The following FAM149B1 variants were observed in gnomAD, a reference collection of about 807,000 sequenced individuals.
FAM149B1 encodes the protein family with sequence similarity 149 member B1, also known as primary cilium assembly protein FAM149B1.
FAM149B1 carries 56 observed loss-of-function variants against 75.3 expected under a neutral mutation model. The observed-to-expected ratio is 0.74, with a 90% CI of 0.60 to 0.93. The LOEUF is 0.93. Ranked by LOEUF, FAM149B1 falls within the 40% of genes least tolerant of loss-of-function variation. The pLI is 0.00. For missense variants in FAM149B1, 639 were observed against 708.4 expected, an observed-to-expected ratio of 0.90 and a Z score of 1.11; for synonymous variants, 259 against 256.1, an observed-to-expected ratio of 1.01 and a Z score of -0.11.
At chr10:73,214,270 T>C (rs987848806) in intron 7 of FAM149B1, among the ~76,000 whole-genome samples, 1 of 152,236 alleles carries the variant, frequency 6.6e-6, no homozygotes, top group Non-Finnish European at 1.5e-5. Flanking sequence ...ACAGGGCAAT[T>C]TGCCTTCCTC....
Position 73,239,302 on chromosome 10 carries a change from T to C in FAM149B1, c.1603-10T>C. 6.4e-7 allele frequency: 1 copy of C among 1,550,754 alleles called. No individual in the cohort carries two copies. ...GCATCATAAGAAGTGTCTCCTCTTT[T>C]GTCTTGTAGCTGGATACACAGTATC... On this transcript the variant is annotated splice_polypyrimidine_tract_variant and intron_variant, in intron 12 of 13. Transcript: ENST00000242505.
At chr10:73,235,113 G>C in intron 11 of FAM149B1, 80 bp from the exon 12 acceptor site, 3 of 1,478,956 alleles carry the variant, frequency 2.0e-6, no homozygotes, top group East Asian at 2.5e-5. Context: ...TACCATATCT[G>C]CCATGGTCGA....
intron 12 of FAM149B1, among the ~76,000 whole-genome samples, chr10:73,237,468 G>A (rs1173402299): frequency 6.6e-6 from 1 of 151,758 alleles, no homozygotes; most frequent in Non-Finnish European, 1.5e-5. Context: ...CCAGGCTAGA[G>A]TGCTGTGGTG....
chr10:73,240,344 G>A (rs1020278627), intron 13 of FAM149B1, among the ~76,000 whole-genome samples: 1 of 152,172 alleles, frequency 6.6e-6, no homozygotes, highest in African/African-American at 2.4e-5. Flanking sequence ...AGCATTGTCT[G>A]GTAGTCTTTG....
In FAM149B1 at chr10:73,197,102, C is replaced by T. The variant is rs541627336; in HGVS notation, c.542+3509C>T. 1.1e-3 allele frequency among the ~76,000 whole-genome samples: 167 copies of T among 152,252 alleles called. 2 individuals carry two copies. The highest frequency in any genetic ancestry group is 3.7e-3 in the African/African-American group (155 of 41,550). On this transcript the variant is annotated intron_variant, in intron 5 of 13. Transcript: ENST00000242505. ...GACTGCAGCCTTGACCTCCTGGGCT[C>T]AAGCAATCCTCCCGCCTCAGCCTCC...
chr10:73,200,601 A>G, intron 5 of FAM149B1: 1 of 698,622 alleles, frequency 1.4e-6, no homozygotes, highest in East Asian at 4.2e-5. Context: ...GATCAAATCT[A>G]TGAGATTTTC....
intron 7 of FAM149B1, among the ~76,000 whole-genome samples, chr10:73,227,531 G>A (rs143142040): frequency 5.4e-4 from 82 of 152,244 alleles, no homozygotes; most frequent in African/African-American, 1.9e-3. Flanking sequence ...AAGATGCCTT[G>A]TTTCTTCGTG....
chr10:73,183,785 G>A (rs1166912161), intron 3 of FAM149B1, among the ~76,000 whole-genome samples: 1 of 152,188 alleles, frequency 6.6e-6, no homozygotes. Flanking sequence ...TTTGGGTTAA[G>A]AACAGTGAGA....
At chr10:73,203,939 C>T (rs555277773) in intron 5 of FAM149B1, among the ~76,000 whole-genome samples, 2 of 152,044 alleles carry the variant, frequency 1.3e-5, no homozygotes, top group South Asian at 4.2e-4. Context: ...CCGTGCCCCA[C>T]CAATCATAAT....
In FAM149B1 at chr10:73,241,027, G is replaced by T; in HGVS notation, c.*8G>T. 6.7e-7 allele frequency: 1 copy of T among 1,494,132 alleles called. No homozygotes were observed. The highest frequency in any genetic ancestry group is 1.2e-5 in the South Asian group (1 of 82,578). The allele number at this position is 1,494,132 out of a possible 1,614,324, so 92.6% of individuals were successfully genotyped here. A position where few individuals can be genotyped will look rare whatever the true frequency, so the allele number is the denominator to read the frequency against. On this transcript the variant is annotated 3_prime_UTR_variant, in exon 14 of 14. Coordinates refer to ENST00000242505, the MANE Select transcript of FAM149B1 (RefSeq NM_173348.2). ...ACCAGGCAGGGACCATAAGGCAAAT[G>T]AGAAGAATCTATCAGGCTGCAGGAA...
intron 12 of FAM149B1, 200 bp downstream of exon 12, chr10:73,235,518 C>A: frequency 2.4e-6 from 3 of 1,232,358 alleles, no homozygotes; most frequent in East Asian, 2.9e-5. Flanking sequence ...ATGCCTTATA[C>A]AGAAATCACA....
chr10:73,225,904 G>A (rs1246926503), intron 7 of FAM149B1, among the ~76,000 whole-genome samples: 1 of 152,096 alleles, frequency 6.6e-6, no homozygotes, highest in African/African-American at 2.4e-5. Flanking sequence ...GTAACATGCT[G>A]TACAGGCCTG....
intron 8 of FAM149B1, among the ~76,000 whole-genome samples, chr10:73,229,681 C>G (rs1487900631): frequency 1.3e-5 from 2 of 152,238 alleles, no homozygotes; most frequent in Admixed American, 1.3e-4. Flanking sequence ...GCATGTTGAA[C>G]TGGTGTGGCC....
rs191449232 is a variant in FAM149B1 at position 73,203,453 on chromosome 10, T to G, written c.543-5166T>G. On this transcript the variant is annotated intron_variant, in intron 5 of 13. Coordinates refer to ENST00000242505, the MANE Select transcript of FAM149B1 (RefSeq NM_173348.2). The stretch of plus-strand genomic sequence containing the variant: ...TATGTATATGGTTTTTATGAAATTA[T>G]ACATTTTGTAATCTCTTTATACTTA... Among the ~76,000 whole-genome samples the G allele has an allele frequency of 5.7e-3, 870 of 152,328 alleles. 8 individuals are homozygous for G. The highest frequency in any genetic ancestry group is 9.9e-3 in the Non-Finnish European group (674 of 68,034).
At chr10:73,170,478 T>C (rs1283283760) in intron 1 of FAM149B1, among the ~76,000 whole-genome samples, 1 of 152,114 alleles carries the variant, frequency 6.6e-6, no homozygotes, top group Admixed American at 6.5e-5. Flanking sequence ...TACTCCAGCC[T>C]GGGTGACAGA....
At chr10:73,206,797 C>T (rs1298990262) in intron 5 of FAM149B1, among the ~76,000 whole-genome samples, 3 of 152,178 alleles carry the variant, frequency 2.0e-5, no homozygotes, top group Non-Finnish European at 2.9e-5. Context: ...CGCCTATAAT[C>T]CCAGCTACTT....
intron 3 of FAM149B1, among the ~76,000 whole-genome samples, chr10:73,179,278 A>G (rs2042337865): frequency 6.6e-6 from 1 of 151,968 alleles, no homozygotes; most frequent in East Asian, 1.9e-4. Flanking sequence ...TTTTATTTCT[A>G]TATCTTTTTT....
chr10:73,202,958 A>G (rs1046921668), intron 5 of FAM149B1, among the ~76,000 whole-genome samples: 1 of 152,040 alleles, frequency 6.6e-6, no homozygotes, highest in Non-Finnish European at 1.5e-5. Flanking sequence ...ATGGTTAAGG[A>G]TCTTATCTGT....
Position 73,210,379 on chromosome 10 carries a change from G to A in FAM149B1, c.839G>A (p.Cys280Tyr). The A allele has an allele frequency of 6.4e-7, 1 of 1,551,572 alleles. No individual in the cohort carries two copies. The highest frequency in any genetic ancestry group is 8.7e-7 in the Non-Finnish European group (1 of 1,146,850). The part of the protein sequence containing the change: ...VLAYVFDSVW[C>Y]KVVSCMEQLT... ...GCTTATGTGTTTGACAGTGTATGGT[G>A]CAAGGTTGTGAGCTGTATGGAGCAG... Residue 280 changes from cysteine (C) to tyrosine (Y), a missense_variant, in exon 7 of 14, where the codon TGC (cysteine) becomes TAC (tyrosine). Cys to Tyr is a radical substitution (Grantham distance 194, BLOSUM62 -2). Coordinates refer to ENST00000242505, the MANE Select transcript of FAM149B1 (RefSeq NM_173348.2).
Sources: gnomAD v4.1 joint callset for allele counts (sites outside exome capture counted in the v4.1 genomes callset) on GRCh38, gnomAD v4.1.1 for gene constraint, MANE v1.5 for transcripts, NCBI Gene and HGNC (gene_info 2026-07-23, HGNC 2026-07-21) for gene names.